Variants in KAZN observed in about 807,000 individuals in gnomAD.
The protein encoded by KAZN is kazrin, periplakin interacting protein.
A neutral mutation model predicts 87.4 loss-of-function variants in KAZN; 40 were observed. That is an observed-to-expected ratio of 0.46 (90% CI 0.36 to 0.60). The LOEUF (loss-of-function observed/expected upper bound fraction) is 0.60. Ranked by LOEUF, KAZN falls within the 20% of genes least tolerant of loss-of-function variation. The probability of loss-of-function intolerance (pLI) is 0.00; values close to 1 mark genes in which losing one functional copy is unlikely to be tolerated. For synonymous variants in KAZN, 466 were observed against 458.3 expected, an observed-to-expected ratio of 1.02 and a Z score of -0.22; for missense variants, 898 against 1,073.9, an observed-to-expected ratio of 0.84 and a Z score of 2.29.
intron 1 of KAZN, among the ~76,000 whole-genome samples, chr1:14,625,889 A>G (rs1342158747): frequency 6.6e-6 from 1 of 152,200 alleles, no homozygotes; most frequent in Non-Finnish European, 1.5e-5. Flanking sequence ...CCTTTTTAGC[A>G]ATGTCTTTTC....
At chr1:15,095,747 G>A (rs1263621011) in intron 10 of KAZN, among the ~76,000 whole-genome samples, 2 of 152,180 alleles carry the variant, frequency 1.3e-5, no homozygotes, top group African/African-American at 2.4e-5. Flanking sequence ...CTGGTGGTGT[G>A]TGCTGTAATT....
intron 1 of KAZN, among the ~76,000 whole-genome samples, chr1:14,928,080 A>G (rs10803322): frequency 0.36 from 54,874 of 151,950 alleles, 11,877 homozygotes; most frequent in African/African-American, 0.61. Context: ...CAGCCAGTGG[A>G]TGTCCCAACC....
intron 1 of KAZN, among the ~76,000 whole-genome samples, chr1:14,073,262 G>A (rs567337995): frequency 6.6e-6 from 1 of 152,302 alleles, no homozygotes; most frequent in South Asian, 2.1e-4. Context: ...TATGTCAGGA[G>A]AGCTGAAGAA....
intron 1 of KAZN, among the ~76,000 whole-genome samples, chr1:14,667,716 C>T (rs1232830933): frequency 6.6e-6 from 1 of 151,572 alleles, no homozygotes; most frequent in Non-Finnish European, 1.5e-5. Context: ...AGGATTCCCA[C>T]TGGAAATTTT....
chr1:15,110,486 TG>T (rs1641540933), intron 13 of KAZN, among the ~76,000 whole-genome samples: 2 of 40,810 alleles, frequency 4.9e-5, no homozygotes, highest in African/African-American at 1.9e-4. Flanking sequence ...TGTATTTGTG[TG>T]TGTATGTATG....
intron 1 of KAZN, among the ~76,000 whole-genome samples, 173 bp from the exon 2 acceptor site, chr1:14,960,511 G>T (rs2101771464): frequency 6.6e-6 from 1 of 152,268 alleles, no homozygotes; most frequent in East Asian, 1.9e-4. Flanking sequence ...GTGGGGCCTA[G>T]AATTGGTGCT....
At chr1:14,467,404 C>T (rs1214185736) in intron 2 of KAZN, among the ~76,000 whole-genome samples, 1 of 149,794 alleles carries the variant, frequency 6.7e-6, no homozygotes, top group South Asian at 2.1e-4. Context: ...AGTTAGTAAT[C>T]GAGAAATGGT....
intron 1 of KAZN, among the ~76,000 whole-genome samples, chr1:14,668,150 T>A (rs1382647426): frequency 1.3e-5 from 2 of 152,078 alleles, no homozygotes; most frequent in Non-Finnish European, 2.9e-5. Context: ...AGAAGGAAAA[T>A]GAGAGGGAAA....
intron 1 of KAZN, among the ~76,000 whole-genome samples, chr1:14,750,024 G>A (rs763167267): frequency 1.3e-5 from 2 of 152,058 alleles, no homozygotes; most frequent in Non-Finnish European, 1.5e-5. Flanking sequence ...AAAAAAGGTG[G>A]GGGGTGCATG....
intron 1 of KAZN, among the ~76,000 whole-genome samples, chr1:13,942,590 C>A (rs1640981876): frequency 1.4e-5 from 2 of 147,886 alleles, no homozygotes; most frequent in Non-Finnish European, 3.0e-5. Flanking sequence ...ATATAATTCA[C>A]CAACACCTCA....
At chr1:14,398,135 A>AT (rs1364729281) in intron 2 of KAZN, among the ~76,000 whole-genome samples, 1 of 152,198 alleles carries the variant, frequency 6.6e-6, no homozygotes, top group Admixed American at 6.5e-5. Flanking sequence ...TATAAAACTA[A>AT]TATAGTCATG....
intron 1 of KAZN, among the ~76,000 whole-genome samples, chr1:14,007,846 G>A (rs1570511268): frequency 1.3e-5 from 2 of 152,090 alleles, no homozygotes; most frequent in South Asian, 4.1e-4. Flanking sequence ...CTAAGTCGGC[G>A]GGAGCTAAAG....
chr1:14,776,933 C>CAAA (rs56275592), intron 1 of KAZN, among the ~76,000 whole-genome samples: 64 of 113,068 alleles, frequency 5.7e-4, no homozygotes, highest in Non-Finnish European at 7.3e-4. Flanking sequence ...TACCCTGTCT[C>CAAA]AAAAAAAAAA....
chr1:14,468,373 G>A (rs866047885), intron 2 of KAZN, among the ~76,000 whole-genome samples: 16 of 152,096 alleles, frequency 1.1e-4, no homozygotes, highest in African/African-American at 2.2e-4. Context: ...TTATATACCC[G>A]GTCTTACTCA....
chr1:13,955,792 G>T (rs139193883), intron 1 of KAZN, among the ~76,000 whole-genome samples: 1 of 152,272 alleles, frequency 6.6e-6, no homozygotes, highest in African/African-American at 2.4e-5. Flanking sequence ...ATGTGAACAT[G>T]ACCTTCCTAA....
At chr1:14,065,201 G>A (rs1189277997) in intron 1 of KAZN, among the ~76,000 whole-genome samples, 2 of 152,184 alleles carry the variant, frequency 1.3e-5, no homozygotes, top group Non-Finnish European at 1.5e-5. Context: ...GTTCCGGCTT[G>A]CCTTCCGCAT....
intron 8 of KAZN, among the ~76,000 whole-genome samples, chr1:15,093,746 G>A (rs540243989): frequency 4.6e-4 from 70 of 152,146 alleles, no homozygotes; most frequent in African/African-American, 1.6e-3. Flanking sequence ...AATGCTTTAG[G>A]GTAAATATCT....
At chr1:14,510,305 G>T (rs1337199316) in intron 2 of KAZN, among the ~76,000 whole-genome samples, 2 of 151,978 alleles carry the variant, frequency 1.3e-5, no homozygotes, top group Non-Finnish European at 2.9e-5. Flanking sequence ...TTGAACCCAG[G>T]GGGTGGAGGT....
rs918913832 is a variant in KAZN at position 15,073,568 on chromosome 1, G to A, written c.1222+7815G>A. 8.5e-5 allele frequency among the ~76,000 whole-genome samples: 13 copies of A among 152,270 alleles called. No individual in the cohort carries two copies. The East Asian group carries it at 1.9e-3, about 23-fold the overall frequency. On this transcript the variant is annotated intron_variant, in intron 8 of 14. Transcript: ENST00000376030. The stretch of plus-strand genomic sequence containing the variant: ...GCTGCTTGGGGCCTTTCTAGGCCCC[G>A]CTGAGCAGAGGGGACGGGCACTCTG...
Sources: allele counts gnomAD v4.1 joint callset (sites outside exome capture counted in the v4.1 genomes callset), GRCh38; gene constraint gnomAD v4.1.1; transcripts MANE v1.5; gene names NCBI Gene and HGNC (gene_info 2026-07-23, HGNC 2026-07-21).